The following ZDHHC7 variants were observed in gnomAD, a reference collection of about 807,000 sequenced individuals.
ZDHHC7 encodes zDHHC palmitoyltransferase 7, also known as palmitoyltransferase ZDHHC7.
In ZDHHC7, 12 loss-of-function variants were observed where a neutral mutation model predicts 34.1. The ratio of observed to expected loss-of-function variants is 0.35; its 90% CI spans 0.23 to 0.57. The LOEUF (loss-of-function observed/expected upper bound fraction) is 0.57. ZDHHC7 is among the 20% of genes least tolerant of loss of function. The pLI is 0.84. For synonymous variants in ZDHHC7, 185 were observed against 155.4 expected (o/e 1.19, Z -1.42); for missense variants, 388 against 402.7 (o/e 0.96, Z 0.31).
At chr16:84,990,677 C>A in intron 2 of ZDHHC7, 42 bp from the exon 3 acceptor site, 2 of 1,533,290 alleles carry the variant, frequency 1.3e-6, no homozygotes, top group South Asian at 2.4e-5. Context: ...GCTCAAAAAG[C>A]TCACAAGCTA....
Position 84,974,390 on chromosome 16 carries a change from G to T in ZDHHC7, c.*1953C>A, listed in dbSNP as rs956685577. ...AGTGACCTTAACAGCCTGGGGCTGG[G>T]CCCACGAAGCACGGAAAGGCACCCC... On this transcript the variant is annotated 3_prime_UTR_variant, in exon 8 of 8. Coordinates refer to ENST00000313732, the MANE Select transcript of ZDHHC7 (RefSeq NM_017740.3). The T allele has an allele frequency of 3.9e-5, 6 of 152,276 alleles. No homozygotes were observed. The East Asian group carries it at 1.2e-3, about 29-fold the overall frequency. The allele number at this position is 152,276 out of a possible 1,614,324, so 9.4% of individuals were successfully genotyped here.
At chr16:85,004,326 G>C (rs2072690300) in intron 1 of ZDHHC7, among the ~76,000 whole-genome samples, 1 of 151,948 alleles carries the variant, frequency 6.6e-6, no homozygotes, top group Admixed American at 6.6e-5. Context: ...CACCCGCCCA[G>C]ACCAAGGTCC....
intron 7 of ZDHHC7, 80 bp from the exon 8 acceptor site, chr16:84,976,599 C>T: frequency 1.3e-6 from 2 of 1,545,668 alleles, no homozygotes; most frequent in African/African-American, 1.4e-5. Context: ...TCACACCGTG[C>T]TCAAGCACAG....
At chr16:85,013,443 A>G (rs112325002), upstream of ZDHHC7, among the ~76,000 whole-genome samples, 4,531 of 152,144 alleles carry the variant, frequency 0.03, 233 homozygotes, top group African/African-American at 0.1. Flanking sequence ...GGGTTTTGCC[A>G]TGTTGGCCAG....
chr16:84,998,545 A>G (rs1331980954), intron 1 of ZDHHC7, among the ~76,000 whole-genome samples: 1 of 152,020 alleles, frequency 6.6e-6, no homozygotes, highest in Admixed American at 6.6e-5. Context: ...GTGCCTCCCG[A>G]TAACCCGAGA....
intron 3 of ZDHHC7, among the ~76,000 whole-genome samples, chr16:84,989,694 C>CAAAAAAAA (rs35823318): frequency 4.1e-5 from 4 of 96,478 alleles, no homozygotes; most frequent in Non-Finnish European, 6.2e-5. Flanking sequence ...AACTCCGTCT[C>CAAAAAAAA]AAAAAAAAAA....
chr16:85,019,344 C>T, the ZDHHC7 span, among the ~76,000 whole-genome samples: 1 of 152,208 alleles, frequency 6.6e-6, no homozygotes, highest in African/African-American at 2.4e-5. Flanking sequence ...TCCCCACTGC[C>T]TGTCCAAAAG....
the ZDHHC7 span, among the ~76,000 whole-genome samples, chr16:85,027,160 CCCGTTTTAAA>C: frequency 2.0e-5 from 3 of 152,188 alleles, no homozygotes; most frequent in Non-Finnish European, 4.4e-5. Flanking sequence ...TCAAAGATGC[CCCGTTTTAAA>C]AAGTAAATTG....
intron 1 of ZDHHC7, among the ~76,000 whole-genome samples, chr16:84,999,581 ATAT>A (rs2072627199): frequency 6.6e-6 from 1 of 152,210 alleles, no homozygotes; most frequent in African/African-American, 2.4e-5. Flanking sequence ...AATCTCAAAA[ATAT>A]TATGCTAAGT....
At chr16:84,977,664 G>T (rs909620228) in intron 6 of ZDHHC7, among the ~76,000 whole-genome samples, 2 of 152,200 alleles carry the variant, frequency 1.3e-5, no homozygotes. Flanking sequence ...CTTAGGGTCG[G>T]TCACTCACGT....
Position 84,981,815 on chromosome 16 carries a change from G to T in ZDHHC7, c.440+55C>A, listed in dbSNP as rs755935268. On this transcript the variant is annotated intron_variant, in intron 4 of 7. Coordinates refer to ENST00000313732, the MANE Select transcript of ZDHHC7 (RefSeq NM_017740.3). ...GGGCGCACTCTGGTTTAATACAGCA[G>T]CACACGTACCCGCAGTGGCGGATGC... The T allele has an allele frequency of 7.0e-5, 113 of 1,611,860 alleles. No individual in the cohort carries two copies. In the Middle Eastern group the frequency reaches 1.5e-3, roughly 21 times the overall value.
chr16:84,991,250 T>C (rs1488368781), intron 2 of ZDHHC7, among the ~76,000 whole-genome samples: 1 of 152,214 alleles, frequency 6.6e-6, no homozygotes, highest in Non-Finnish European at 1.5e-5. Flanking sequence ...CTCTGTTCCT[T>C]GACACTCTAC....
At chr16:85,019,044 G>A in the ZDHHC7 span, among the ~76,000 whole-genome samples, 1 of 152,180 alleles carries the variant, frequency 6.6e-6, no homozygotes, top group South Asian at 2.1e-4. Flanking sequence ...AGGGTGCTTG[G>A]CAAAGCCTTG....
intron 1 of ZDHHC7, among the ~76,000 whole-genome samples, chr16:85,001,076 A>G (rs527865367): frequency 2.6e-5 from 4 of 152,314 alleles, no homozygotes; most frequent in Admixed American, 2.0e-4. Flanking sequence ...CCTGAGGTCC[A>G]ATGGAACCAC....
chr16:85,010,764 G>C (rs1219511275), intron 1 of ZDHHC7, among the ~76,000 whole-genome samples: 1 of 152,224 alleles, frequency 6.6e-6, no homozygotes, highest in African/African-American at 2.4e-5. Flanking sequence ...TACTGTCCCA[G>C]ATGCCCTTTC....
Position 84,976,028 on chromosome 16 carries a change from G to C in ZDHHC7, c.*315C>G, listed in dbSNP as rs1360829351. ...TTTTTCTTCATGATTGGAAACAGCA[G>C]CTCAGGACCCAGGATTTGAATAACC... On this transcript the variant is annotated 3_prime_UTR_variant, in exon 8 of 8. Coordinates refer to ENST00000313732, the MANE Select transcript of ZDHHC7 (RefSeq NM_017740.3). 9.2e-6 allele frequency: 3 copies of C among 326,102 alleles called. No individual in the cohort carries two copies. In the East Asian group the frequency reaches 2.6e-4, roughly 28 times the overall value. The allele number at this position is 326,102 out of a possible 1,614,324, so 20.2% of individuals were successfully genotyped here.
intron 4 of ZDHHC7, among the ~76,000 whole-genome samples, chr16:84,981,380 G>C (rs2072365426): frequency 6.6e-6 from 1 of 152,176 alleles, no homozygotes; most frequent in African/African-American, 2.4e-5. Flanking sequence ...ACATCCAAAA[G>C]AACCTTGCTT....
chr16:84,985,046 A>C (rs915874631), intron 3 of ZDHHC7, among the ~76,000 whole-genome samples: 2 of 152,150 alleles, frequency 1.3e-5, no homozygotes, highest in African/African-American at 4.8e-5. Flanking sequence ...CATTTTCGGG[A>C]CGTTTTTTTC....
At chr16:84,981,516 G>C (rs1217264462) in intron 4 of ZDHHC7, among the ~76,000 whole-genome samples, 2 of 152,190 alleles carry the variant, frequency 1.3e-5, no homozygotes, top group Non-Finnish European at 2.9e-5. Context: ...CCCCACACAG[G>C]ATGTGCCCAG....
Sources: gnomAD v4.1 joint callset for allele counts (sites outside exome capture counted in the v4.1 genomes callset) on GRCh38, gnomAD v4.1.1 for gene constraint, MANE v1.5 for transcripts, NCBI Gene and HGNC (gene_info 2026-07-23, HGNC 2026-07-21) for gene names.